Variants in AAK1 observed in about 807,000 individuals in gnomAD.
AAK1 encodes the protein AP2-associated protein kinase 1.
A neutral mutation model predicts 116.0 loss-of-function variants in AAK1; 37 were observed. The ratio of observed to expected loss-of-function variants is 0.32; its 90% CI spans 0.25 to 0.42. AAK1 has a LOEUF of 0.42. AAK1 is among the 10% of genes least tolerant of loss of function. The probability of loss-of-function intolerance (pLI) is 1.00; values close to 1 mark genes in which losing one functional copy is unlikely to be tolerated. For missense variants in AAK1, 919 were observed against 1,170.6 expected, an observed-to-expected ratio of 0.79 and a Z score of 3.14; for synonymous variants, 458 against 439.9, an observed-to-expected ratio of 1.04 and a Z score of -0.51.
intron 3 of AAK1, among the ~76,000 whole-genome samples, chr2:69,555,909 C>T (rs898058368): frequency 1.3e-5 from 2 of 151,818 alleles, no homozygotes; most frequent in Admixed American, 1.3e-4. Context: ...AAGAAAGATG[C>T]TACTCTAACA....
chr2:69,610,460 G>A (rs946030227), intron 2 of AAK1, among the ~76,000 whole-genome samples: 4 of 152,186 alleles, frequency 2.6e-5, no homozygotes, highest in Non-Finnish European at 5.9e-5. Context: ...TCTTGGATAT[G>A]ATACCAAAGG....
At chr2:69,521,244 G>A (rs543376160) in intron 10 of AAK1, among the ~76,000 whole-genome samples, 117 of 152,276 alleles carry the variant, frequency 7.7e-4, no homozygotes, top group Admixed American at 2.2e-3. Flanking sequence ...TTTCATGTGC[G>A]AATATGCAAG....
rs1334537110 is a variant in AAK1 at position 69,587,267 on chromosome 2, G to C, written c.164-30289C>G. 2.0e-5 allele frequency among the ~76,000 whole-genome samples: 3 copies of C among 147,124 alleles called. No homozygotes were observed. The East Asian group carries it at 6.2e-4, about 30-fold the overall frequency. ...GCTCAGCTTATATATATATACACAT[G>C]TGTATATATACACACATGTATACAC... On this transcript the variant is annotated intron_variant, in intron 2 of 21. Transcript: ENST00000409085.
chr2:69,563,663 C>G (rs1316620096), intron 2 of AAK1, among the ~76,000 whole-genome samples: 3 of 152,198 alleles, frequency 2.0e-5, no homozygotes, highest in African/African-American at 7.2e-5. Flanking sequence ...ATTTTCTGCT[C>G]TTCGTTTTCC....
chr2:69,470,585 C>T lies in AAK1; in HGVS notation c.*5284G>A, dbSNP rs1006982617. Reference sequence around the variant, plus strand: ...CTGGGGATAAAATTATTCTTGCCAACACAAAATGTTTAATTAAGTTGGCCT... The same window carrying T: ...CTGGGGATAAAATTATTCTTGCCAATACAAAATGTTTAATTAAGTTGGCCT... On this transcript the variant is annotated 3_prime_UTR_variant, in exon 22 of 22. Transcript: ENST00000409085. 3 of 985,294 alleles carry T rather than the reference C, an allele frequency of 3.0e-6. No homozygotes were observed. Among genetic ancestry groups the T allele is most frequent in the African/African-American group, 3.5e-5 (2 of 57,224 alleles). 61.0% of individuals were successfully genotyped at this position (985,294 alleles called of 1,614,324 possible). A position where few individuals can be genotyped will look rare whatever the true frequency, so the allele number is the denominator to read the frequency against.
In AAK1 at chr2:69,495,894, CTTTTCACGGGGTA is replaced by C. The variant is rs1246654080; in HGVS notation, c.2365+78_2365+90del. The C allele has an allele frequency of 6.7e-6, 7 of 1,042,972 alleles. No individual in the cohort carries two copies. The East Asian group carries it at 1.6e-4, about 24-fold the overall frequency. The allele number at this position is 1,042,972 out of a possible 1,614,324, so 64.6% of individuals were successfully genotyped here. ...ATTATTAGGGCTTGGAATTCAGATC[CTTTTCACGGGGTA>C]TTTAAGGCAGAACTTTCTACAAGGC... On this transcript the variant is annotated intron_variant, in intron 17 of 21. Coordinates refer to ENST00000409085, the MANE Select transcript of AAK1 (RefSeq NM_014911.5).
chr2:69,513,950 T>C (rs1676487085), intron 13 of AAK1, among the ~76,000 whole-genome samples: 1 of 152,218 alleles, frequency 6.6e-6, no homozygotes, highest in Admixed American at 6.5e-5. Flanking sequence ...ACTCAGATGC[T>C]CTGGTACCCA....
chr2:69,545,770 A>AC (rs2105059643), intron 3 of AAK1, among the ~76,000 whole-genome samples: 1 of 152,312 alleles, frequency 6.6e-6, no homozygotes, highest in Non-Finnish European at 1.5e-5. Flanking sequence ...TGGAATTGGC[A>AC]GATGGAAGTC....
intron 5 of AAK1, among the ~76,000 whole-genome samples, chr2:69,541,923 C>T (rs763691311): frequency 6.6e-6 from 1 of 152,230 alleles, no homozygotes; most frequent in Non-Finnish European, 1.5e-5. Context: ...AGTCACATAA[C>T]CTCTCTGCTT....
chr2:69,585,932 T>A (rs1489607282), intron 2 of AAK1, among the ~76,000 whole-genome samples: 1 of 152,102 alleles, frequency 6.6e-6, no homozygotes, highest in Non-Finnish European at 1.5e-5. Flanking sequence ...TATACAAAAA[T>A]TGGCCTAGCA....
chr2:69,640,479 CTGTA>C (rs1310855758), intron 2 of AAK1, among the ~76,000 whole-genome samples: 1 of 144,740 alleles, frequency 6.9e-6, no homozygotes, highest in African/African-American at 2.7e-5. Flanking sequence ...AACCATGCTA[CTGTA>C]TGTGTGAATG....
chr2:69,603,221 A>G (rs1410527222), intron 2 of AAK1, among the ~76,000 whole-genome samples: 1 of 152,216 alleles, frequency 6.6e-6, no homozygotes, highest in Non-Finnish European at 1.5e-5. Context: ...TTTTCTGATT[A>G]TAAAAGTAAT....
intron 21 of AAK1, 80 bp downstream of exon 21, chr2:69,476,800 C>T (rs1242033194): frequency 3.2e-6 from 3 of 927,434 alleles, no homozygotes; most frequent in East Asian, 2.6e-5. Context: ...TGCTTTTCTT[C>T]CCCCTTGCAG....
chr2:69,476,501 T>C (rs1674863353), intron 21 of AAK1, among the ~76,000 whole-genome samples: 2 of 152,246 alleles, frequency 1.3e-5, no homozygotes, highest in East Asian at 1.9e-4. Context: ...AAGATGTGAA[T>C]GATACCAAAA....
intron 2 of AAK1, among the ~76,000 whole-genome samples, chr2:69,599,267 C>T (rs1462531608): frequency 6.6e-6 from 1 of 151,734 alleles, no homozygotes; most frequent in East Asian, 1.9e-4. Context: ...GAATTATAAG[C>T]TCATTAGTCC....
At chr2:69,521,034 T>C in intron 10 of AAK1, 46 bp from the exon 11 acceptor site, 2 of 1,601,748 alleles carry the variant, frequency 1.2e-6, no homozygotes, top group Non-Finnish European at 1.7e-6. Flanking sequence ...ATGGGAAAAA[T>C]GGAAGGGAGT....
chr2:69,538,415 C>G (rs1183499984), intron 5 of AAK1, among the ~76,000 whole-genome samples: 1 of 152,254 alleles, frequency 6.6e-6, no homozygotes, highest in Non-Finnish European at 1.5e-5. Flanking sequence ...AGACACTGAG[C>G]TCTGTCTCCA....
At chr2:69,541,911 C>T (rs1670739607) in intron 5 of AAK1, among the ~76,000 whole-genome samples, 1 of 152,200 alleles carries the variant, frequency 6.6e-6, no homozygotes, top group Admixed American at 6.5e-5. Context: ...TGACTTTAGG[C>T]AAGTCACATA....
In AAK1 at chr2:69,466,488, C is replaced by T; in HGVS notation, c.*9381G>A. ...TGGATACAGCGGAAGGCCTTTAACA[C>T]CCAGTGATTCTTTAAAGTGCTCTAC... On this transcript the variant is annotated 3_prime_UTR_variant, in exon 22 of 22. Transcript: ENST00000409085. 1.6e-6 allele frequency: 2 copies of T among 1,259,754 alleles called. No individual in the cohort carries two copies. Among genetic ancestry groups the T allele is most frequent in the Non-Finnish European group, 2.1e-6 (2 of 972,116 alleles). The allele number at this position is 1,259,754 out of a possible 1,614,324, so 78.0% of individuals were successfully genotyped here. A position where few individuals can be genotyped will look rare whatever the true frequency, so the allele number is the denominator to read the frequency against.
Sources: gnomAD v4.1 joint callset for allele counts (sites outside exome capture counted in the v4.1 genomes callset) on GRCh38, gnomAD v4.1.1 for gene constraint, MANE v1.5 for transcripts, NCBI Gene and HGNC (gene_info 2026-07-23, HGNC 2026-07-21) for gene names.